Variants in ACYP2 observed in about 807,000 individuals in gnomAD.
The protein encoded by ACYP2 is acylphosphatase 2, also known as acylphosphatase-2.
Under a neutral mutation model 11.2 loss-of-function variants are expected in ACYP2, and 12 were observed. That is an observed-to-expected ratio of 1.08 (90% CI 0.69 to 1.74). The LOEUF is 1.74. ACYP2 is among the 40% of genes most tolerant of loss of function. The pLI, the probability that ACYP2 is intolerant of heterozygous loss-of-function variation, is 0.00. For synonymous variants in ACYP2, 43 were observed against 32.2 expected, an observed-to-expected ratio of 1.33 and a Z score of -1.13; for missense variants, 134 against 101.9, an observed-to-expected ratio of 1.31 and a Z score of -1.35.
intron 2 of ACYP2, among the ~76,000 whole-genome samples, chr2:54,035,800 G>T (rs1036475109): frequency 2.0e-5 from 3 of 152,130 alleles, no homozygotes; most frequent in Non-Finnish European, 2.9e-5. Context: ...AACATTTTGG[G>T]TGATCATGGA....
chr2:54,291,221 G>T (rs892551367), intron 6 of ACYP2, among the ~76,000 whole-genome samples: 1 of 152,290 alleles, frequency 6.6e-6, no homozygotes, highest in Middle Eastern at 3.4e-3. Context: ...AACAGCACAC[G>T]TTGGTGGCTA....
At chr2:54,189,834 A>G (rs946252342) in intron 6 of ACYP2, among the ~76,000 whole-genome samples, 3 of 152,126 alleles carry the variant, frequency 2.0e-5, no homozygotes, top group African/African-American at 4.8e-5. Flanking sequence ...AACAGTGTAC[A>G]AGGGTTCTCT....
chr2:54,248,832 A>C (rs1247076518), intron 6 of ACYP2, among the ~76,000 whole-genome samples: 1 of 152,232 alleles, frequency 6.6e-6, no homozygotes, highest in African/African-American at 2.4e-5. Flanking sequence ...TAAATTCTAC[A>C]GAGTATATGC....
At chr2:54,145,484 A>ATT (rs996815861) in intron 6 of ACYP2, among the ~76,000 whole-genome samples, 1 of 152,040 alleles carries the variant, frequency 6.6e-6, no homozygotes, top group African/African-American at 2.4e-5. Flanking sequence ...CTCTTTTTAT[A>ATT]TTTTTTTATG....
At chr2:54,095,217 C>A (rs1402473666) in intron 4 of ACYP2, among the ~76,000 whole-genome samples, 1 of 152,208 alleles carries the variant, frequency 6.6e-6, no homozygotes, top group African/African-American at 2.4e-5. Context: ...GGTCACAGAT[C>A]AACAGGATCC....
At chr2:54,014,410 C>T (rs1384196670) in intron 2 of ACYP2, among the ~76,000 whole-genome samples, 1 of 152,082 alleles carries the variant, frequency 6.6e-6, no homozygotes, top group Non-Finnish European at 1.5e-5. Context: ...ACCTCCACCT[C>T]CCCATTTCAG....
intron 6 of ACYP2, among the ~76,000 whole-genome samples, chr2:54,159,127 G>A (rs1214591298): frequency 6.6e-6 from 1 of 151,746 alleles, no homozygotes; most frequent in Non-Finnish European, 1.5e-5. Context: ...CTTCGTCTGT[G>A]GCAGGTACTT....
chr2:54,024,174 G>C (rs1410070866), intron 2 of ACYP2, among the ~76,000 whole-genome samples: 1 of 152,100 alleles, frequency 6.6e-6, no homozygotes, highest in Non-Finnish European at 1.5e-5. Context: ...AGGAGTCCTA[G>C]CTAACATGGC....
At chr2:54,086,254 T>A (rs1171902511) in intron 4 of ACYP2, among the ~76,000 whole-genome samples, 2 of 152,138 alleles carry the variant, frequency 1.3e-5, no homozygotes, top group Non-Finnish European at 2.9e-5. Context: ...ACAGCCACTT[T>A]TACATTTTTT....
Position 54,047,711 on chromosome 2 carries a change from T to A in ACYP2, c.63-3247T>A, listed in dbSNP as rs946856009. ...TTACTATAATTAAAAGTAGTCTTTG[T>A]CAGTACTTGTTCTTTCAAAATTATT... On this transcript the variant is annotated intron_variant, in intron 2 of 6. Transcript: ENST00000607452. 1.3e-5 allele frequency among the ~76,000 whole-genome samples: 2 copies of A among 152,262 alleles called. 1 individual carries two copies. Among genetic ancestry groups the A allele is most frequent in the Non-Finnish European group, 2.9e-5 (2 of 68,050 alleles).
At chr2:54,213,767 C>T (rs572139906) in intron 6 of ACYP2, among the ~76,000 whole-genome samples, 1 of 147,932 alleles carries the variant, frequency 6.8e-6, no homozygotes, top group African/African-American at 2.7e-5. Context: ...CACCCCACAC[C>T]CCCTACTTTT....
intron 4 of ACYP2, among the ~76,000 whole-genome samples, chr2:54,122,147 C>A (rs1432176619): frequency 6.6e-6 from 1 of 152,108 alleles, no homozygotes; most frequent in Non-Finnish European, 1.5e-5. Context: ...TTCCTGCATT[C>A]AAAATTGACA....
intron 2 of ACYP2, among the ~76,000 whole-genome samples, chr2:54,022,737 C>T (rs1674071217): frequency 6.6e-6 from 1 of 152,180 alleles, no homozygotes; most frequent in African/African-American, 2.4e-5. Flanking sequence ...AGAAAGGACT[C>T]TCTGACCATT....
chr2:54,284,282 C>T lies in ACYP2; in HGVS notation c.405-20406C>T, dbSNP rs114882210. On this transcript the variant is annotated intron_variant, in intron 6 of 6. Transcript: ENST00000607452. Reference sequence around the variant, plus strand: ...GGGGGATGCATCACTGATCACTGCACTTTCTCCCATGGAGCCTGGACAAAG... The same window carrying T: ...GGGGGATGCATCACTGATCACTGCATTTTCTCCCATGGAGCCTGGACAAAG... 6.9e-3 allele frequency among the ~76,000 whole-genome samples: 1,045 copies of T among 152,326 alleles called. 12 individuals carry two copies. The highest frequency in any genetic ancestry group is 0.024 in the African/African-American group (979 of 41,566).
At chr2:54,257,034 T>G (rs1198442237) in intron 6 of ACYP2, among the ~76,000 whole-genome samples, 2 of 152,146 alleles carry the variant, frequency 1.3e-5, no homozygotes. Context: ...TGTGCCAATT[T>G]GTCATTTTCC....
Position 54,167,058 on chromosome 2 carries a change from G to T in ACYP2, c.404+28310G>T, listed in dbSNP as rs1424298312. On this transcript the variant is annotated intron_variant, in intron 6 of 6. Transcript: ENST00000607452. ...TCCATTTGATCTGGCCATCACCAAA[G>T]CTACTGGTAATCCATAGGACCCTTC... The T allele has an allele frequency of 2.0e-5, 3 of 150,122 alleles. No homozygotes were observed. The East Asian group carries it at 5.8e-4, about 29-fold the overall frequency. 9.3% of individuals were successfully genotyped at this position (150,122 alleles called of 1,614,324 possible).
At chr2:54,269,551 C>T (rs1425304784) in intron 6 of ACYP2, among the ~76,000 whole-genome samples, 2 of 152,162 alleles carry the variant, frequency 1.3e-5, no homozygotes, top group African/African-American at 2.4e-5. Context: ...ACAGCGTGTT[C>T]CTCACCTTCC....
intron 4 of ACYP2, among the ~76,000 whole-genome samples, chr2:54,058,789 G>A (rs1269296463): frequency 6.6e-6 from 1 of 150,620 alleles, no homozygotes; most frequent in African/African-American, 2.4e-5. Context: ...TTAGGGTGAA[G>A]GGGCTTATTA....
At chr2:54,275,646 G>T (rs1229724395) in intron 6 of ACYP2, among the ~76,000 whole-genome samples, 1 of 152,178 alleles carries the variant, frequency 6.6e-6, no homozygotes, top group African/African-American at 2.4e-5. Flanking sequence ...ATAGCTATCA[G>T]TGTGAATCAG....
Sources: gnomAD v4.1 joint callset for allele counts (sites outside exome capture counted in the v4.1 genomes callset) on GRCh38, gnomAD v4.1.1 for gene constraint, MANE v1.5 for transcripts, NCBI Gene and HGNC (gene_info 2026-07-23, HGNC 2026-07-21) for gene names.